The following MAPK9 variants were observed in gnomAD, a reference collection of about 807,000 sequenced individuals.
MAPK9 encodes the protein mitogen-activated protein kinase 9.
A neutral mutation model predicts 57.1 loss-of-function variants in MAPK9; 30 were observed. The observed-to-expected ratio is 0.53, with a 90% CI of 0.39 to 0.71. The LOEUF (loss-of-function observed/expected upper bound fraction) is 0.71, where lower values mean the gene tolerates loss of function less well. Ranked by LOEUF, MAPK9 falls within the 30% of genes least tolerant of loss-of-function variation. The pLI, the probability that MAPK9 is intolerant of heterozygous loss-of-function variation, is 0.00. For synonymous variants in MAPK9, 155 were observed against 177.0 expected (o/e 0.88, Z 0.99); for missense variants, 362 against 521.0 (o/e 0.69, Z 2.97).
intron 3 of MAPK9, 26 bp downstream of exon 3, chr5:180,269,254 A>C: frequency 6.2e-7 from 1 of 1,606,624 alleles, no homozygotes; most frequent in African/African-American, 1.3e-5. Flanking sequence ...ATGGAAGCAC[A>C]CAGACAAAAT....
chr5:180,264,985 G>C (rs1364960342), intron 3 of MAPK9, 146 bp from the exon 4 acceptor site: 2 of 580,592 alleles, frequency 3.4e-6, no homozygotes, highest in East Asian at 7.5e-5. Context: ...CAATTACATG[G>C]CATTTGAGAA....
In MAPK9 at chr5:180,247,367, G is replaced by A. The variant is rs771066270; in HGVS notation, c.688+72C>T. On this transcript the variant is annotated intron_variant, in intron 7 of 11. Coordinates refer to ENST00000452135, the MANE Select transcript of MAPK9 (RefSeq NM_002752.5). This position sits in a 1 kb window ranked among gnomAD's most constrained non-coding sequence, Gnocchi z 4.5. ...TACGACTTTGTCCTCGTGAGCGCTC[G>A]TGTAAGCAGGTGGTCATGCTGCCTG... The A allele has an allele frequency of 3.1e-5, 48 of 1,571,374 alleles. No individual in the cohort carries two copies. In the African/African-American group the frequency reaches 4.2e-4, roughly 14 times the overall value.
Position 180,243,957 on chromosome 5 carries a change from C to T in MAPK9, c.689-1202G>A, listed in dbSNP as rs529356221. The stretch of plus-strand genomic sequence containing the variant: ...CCACCTCCCGGGCTCAAGTAATTCT[C>T]GTGCCTCAGCCTCCCAAGTAGCTGG... On this transcript the variant is annotated intron_variant, in intron 7 of 11. Transcript: ENST00000452135. 2.2e-4 allele frequency among the ~76,000 whole-genome samples: 34 copies of T among 152,266 alleles called. No homozygotes were observed. The South Asian group carries it at 2.3e-3, about 10-fold the overall frequency.
rs751670885 is a variant in MAPK9, at chr5:180,238,423, T to TAAA, written c.1061-23_1061-21dup. On this transcript the variant is annotated intron_variant, in intron 10 of 11. Coordinates refer to ENST00000452135, the MANE Select transcript of MAPK9 (RefSeq NM_002752.5). ...TTAGCTCTTTAATAAAAATACAAGT[T>TAAA]AAAATGCTTAATCAGTTTCTAAACA... is the stretch of plus-strand genomic sequence containing the variant. 3.3e-6 allele frequency: 5 copies of TAAA among 1,519,716 alleles called. No homozygotes were observed. In the Admixed American group the frequency reaches 8.4e-5, roughly 25 times the overall value. 94.1% of individuals were successfully genotyped at this position (1,519,716 alleles called of 1,614,324 possible).
At chr5:180,290,523 A>G (rs1336542628) in intron 1 of MAPK9, among the ~76,000 whole-genome samples, 1 of 152,236 alleles carries the variant, frequency 6.6e-6, no homozygotes, top group African/African-American at 2.4e-5. Context: ...CGTAGGGTCT[A>G]GCAGAAAGCA....
At chr5:180,285,427 C>T (rs192692703) in intron 1 of MAPK9, among the ~76,000 whole-genome samples, 7 of 152,282 alleles carry the variant, frequency 4.6e-5, no homozygotes, top group Non-Finnish European at 7.4e-5. Context: ...CTCCCCCTAC[C>T]AAAACCTACC....
chr5:180,265,245 C>A (rs376724430), intron 3 of MAPK9, among the ~76,000 whole-genome samples: 2 of 152,296 alleles, frequency 1.3e-5, no homozygotes, highest in East Asian at 3.9e-4. Context: ...TGAAAGGCCT[C>A]GTAGCATCAT....
At chr5:180,260,393 A>G (rs34023106) in intron 5 of MAPK9, among the ~76,000 whole-genome samples, 213 of 152,338 alleles carry the variant, frequency 1.4e-3, no homozygotes, top group African/African-American at 4.9e-3. Context: ...CACTGAGAAC[A>G]AATCTTATAA....
intron 2 of MAPK9, among the ~76,000 whole-genome samples, chr5:180,273,603 T>C (rs2112593): frequency 0.29 from 43,514 of 152,200 alleles, 8,530 homozygotes; most frequent in African/African-American, 0.55. Context: ...TCCTATATTA[T>C]GTTCAAATAG....
At chr5:180,271,896 AAAT>A (rs934397379) in intron 2 of MAPK9, among the ~76,000 whole-genome samples, 1 of 152,330 alleles carries the variant, frequency 6.6e-6, no homozygotes, top group Admixed American at 6.5e-5. Flanking sequence ...CATTTCTAAT[AAAT>A]AATAGATTTT....
intron 5 of MAPK9, among the ~76,000 whole-genome samples, chr5:180,256,333 GGAT>G (rs1404285128): frequency 6.6e-6 from 1 of 151,990 alleles, no homozygotes; most frequent in East Asian, 1.9e-4. Context: ...ATGGAACAAA[GGAT>G]GGTGCAGTCC....
At chr5:180,261,461 G>C (rs1319977573) in intron 5 of MAPK9, among the ~76,000 whole-genome samples, 2 of 152,230 alleles carry the variant, frequency 1.3e-5, no homozygotes, top group African/African-American at 4.8e-5. Flanking sequence ...GTATCTGACT[G>C]AGAGCGCAGT....
At position 180,287,717 on chromosome 5, in the gene MAPK9, T is replaced by C. The variant is rs1762892513; in HGVS notation, c.-48+4131A>G. ...TCCTTCAAAAATCTAGTTCAAGCAC[T>C]TGCTTCTCTTACATGTTTCCTCCTC... On this transcript the variant is annotated intron_variant, in intron 1 of 11. Coordinates refer to ENST00000452135, the MANE Select transcript of MAPK9 (RefSeq NM_002752.5). 2.0e-5 allele frequency among the ~76,000 whole-genome samples: 3 copies of C among 152,168 alleles called. No individual in the cohort carries two copies. The South Asian group carries it at 6.2e-4, about 32-fold the overall frequency.
rs1366217453 is a variant in MAPK9, at chr5:180,233,614, CTG to C, written c.*2768_*2769del. 6.6e-6 allele frequency: 1 copy of C among 152,106 alleles called. No homozygotes were observed. The highest frequency in any genetic ancestry group is 2.4e-5 in the African/African-American group (1 of 41,418). 9.4% of individuals were successfully genotyped at this position (152,106 alleles called of 1,614,324 possible). On this transcript the variant is annotated 3_prime_UTR_variant, in exon 12 of 12. Transcript: ENST00000452135. Reference sequence around the variant, plus strand: ...ATACATTTATCTTTTAAAATGTAGTCTGTATTATTTTCACCAACCAAAACACA... The same window carrying C: ...ATACATTTATCTTTTAAAATGTAGTCTATTATTTTCACCAACCAAAACACA...
chr5:180,256,521 G>A (rs1340306082), intron 5 of MAPK9, among the ~76,000 whole-genome samples: 1 of 152,228 alleles, frequency 6.6e-6, no homozygotes, highest in East Asian at 1.9e-4. Context: ...TGTGGGGAGA[G>A]CCTGGCAAGG....
rs1440964956 is a variant in MAPK9, at chr5:180,234,641, GAGA to G, written c.*1740_*1742del. On this transcript the variant is annotated 3_prime_UTR_variant, in exon 12 of 12. Transcript: ENST00000452135. ...GTCTTTTAAAAGAAAGTGTATTACA[GAGA>G]AGGCCATTTTAAGATGTTTAGATAG... is the stretch of plus-strand genomic sequence containing the variant. 1.6e-4 allele frequency: 25 copies of G among 152,320 alleles called. 1 individual carries two copies. Among genetic ancestry groups the G allele is most frequent in the South Asian group, 1.0e-3 (5 of 4,826 alleles). 9.4% of individuals were successfully genotyped at this position (152,320 alleles called of 1,614,324 possible).
intron 1 of MAPK9, among the ~76,000 whole-genome samples, chr5:180,281,207 T>C (rs1430877414): frequency 1.3e-5 from 2 of 152,192 alleles, no homozygotes; most frequent in Middle Eastern, 3.2e-3. Flanking sequence ...AGAGCTGGCA[T>C]CAGCTGGCAC....
At chr5:180,264,684 G>A in intron 4 of MAPK9, 97 bp downstream of exon 4, 1 of 1,139,688 alleles carries the variant, frequency 8.8e-7, no homozygotes, top group Non-Finnish European at 1.2e-6. Flanking sequence ...AAAATGTATT[G>A]CCACCTACAT....
rs114907585 is a variant in MAPK9 at position 180,240,292 on chromosome 5, A to G, written c.997-305T>C. On this transcript the variant is annotated intron_variant, in intron 9 of 11. Coordinates refer to ENST00000452135, the MANE Select transcript of MAPK9 (RefSeq NM_002752.5). ...ATCACAGGCTGTTTCCCAGAGACCC[A>G]TTATGGACAAGGCACTGTGCTGGCA... 4.1e-3 allele frequency among the ~76,000 whole-genome samples: 623 copies of G among 152,330 alleles called. 4 individuals carry two copies. Among genetic ancestry groups the G allele is most frequent in the African/African-American group, 0.014 (590 of 41,570 alleles).
Sources: allele counts gnomAD v4.1 joint callset (sites outside exome capture counted in the v4.1 genomes callset), GRCh38; gene constraint gnomAD v4.1.1; non-coding constraint Gnocchi (gnomAD v3.1); transcripts MANE v1.5; gene names NCBI Gene and HGNC (gene_info 2026-07-23, HGNC 2026-07-21).